FBXO16: variants seen among roughly 807,000 people sequenced by gnomAD.
FBXO16 encodes F-box only protein 16.
A neutral mutation model predicts 41.0 loss-of-function variants in FBXO16; 31 were observed. The observed-to-expected ratio is 0.76, with a 90% confidence interval of 0.57 to 1.02. The LOEUF (loss-of-function observed/expected upper bound fraction) is 1.02, where lower values mean the gene tolerates loss of function less well. Ranked by LOEUF, FBXO16 falls within the 50% of genes least tolerant of loss-of-function variation. The pLI, the probability that FBXO16 is intolerant of heterozygous loss-of-function variation, is 0.00. For synonymous variants in FBXO16, 133 were observed against 117.8 expected (o/e 1.13, Z -0.84); for missense variants, 361 against 346.2 (o/e 1.04, Z -0.34).
intron 4 of FBXO16, among the ~76,000 whole-genome samples, chr8:28,460,786 G>A (rs189801854): frequency 3.1e-4 from 47 of 152,138 alleles, no homozygotes; most frequent in Non-Finnish European, 5.1e-4. Context: ...CCAGGCTAGA[G>A]TACAGTGCTG....
chr8:28,473,841 T>G (rs1173981907), intron 2 of FBXO16, 34 bp from the exon 3 acceptor site: 1 of 1,488,016 alleles, frequency 6.7e-7, no homozygotes, highest in Non-Finnish European at 9.3e-7. Context: ...GGTAATTTCA[T>G]ATACCATAGT....
At chr8:28,429,670 T>G (rs191353037) in intron 7 of FBXO16, among the ~76,000 whole-genome samples, 2 of 143,822 alleles carry the variant, frequency 1.4e-5, no homozygotes, top group Non-Finnish European at 2.9e-5. Flanking sequence ...AACACCGTGG[T>G]GGGTGGGTAT....
intron 2 of FBXO16, among the ~76,000 whole-genome samples, chr8:28,481,447 G>C (rs189508473): frequency 6.6e-6 from 1 of 152,286 alleles, no homozygotes; most frequent in African/African-American, 2.4e-5. Context: ...GGAGGCAAGG[G>C]AGCGTTGGTA....
At chr8:28,451,280 G>A (rs892899413) in intron 6 of FBXO16, among the ~76,000 whole-genome samples, 1 of 152,172 alleles carries the variant, frequency 6.6e-6, no homozygotes, top group Admixed American at 6.5e-5. Context: ...GATGTTTTTA[G>A]GTTTGAAAGA....
At chr8:28,487,585 G>A (rs1005097591) in intron 1 of FBXO16, among the ~76,000 whole-genome samples, 4 of 151,692 alleles carry the variant, frequency 2.6e-5, no homozygotes, top group Non-Finnish European at 4.4e-5. Flanking sequence ...GTAGAGATGC[G>A]GTTTTCCCCA....
At chr8:28,481,194 T>C (rs1803506736) in intron 2 of FBXO16, among the ~76,000 whole-genome samples, 1 of 152,202 alleles carries the variant, frequency 6.6e-6, no homozygotes, top group African/African-American at 2.4e-5. Flanking sequence ...GAGTGGAGTC[T>C]ATTATTGGTT....
intron 3 of FBXO16, among the ~76,000 whole-genome samples, chr8:28,473,425 G>T (rs1421656617): frequency 1.3e-5 from 2 of 152,130 alleles, no homozygotes; most frequent in Non-Finnish European, 2.9e-5. Flanking sequence ...TCTTTGTGAA[G>T]TGATTAGGTC....
chr8:28,449,315 CTTTTTTTTTT>C (rs59021779), intron 6 of FBXO16, among the ~76,000 whole-genome samples: 3 of 94,842 alleles, frequency 3.2e-5, no homozygotes, highest in African/African-American at 4.3e-5. Context: ...ATGTAGACTT[CTTTTTTTTTT>C]TTTTTTTTTT....
At chr8:28,474,516 T>A (rs1040851544) in intron 2 of FBXO16, among the ~76,000 whole-genome samples, 1 of 152,012 alleles carries the variant, frequency 6.6e-6, no homozygotes, top group Non-Finnish European at 1.5e-5. Context: ...AACTCCCCCA[T>A]CTGAAATGTT....
chr8:28,446,345 G>A (rs901429908), intron 7 of FBXO16, among the ~76,000 whole-genome samples: 9 of 151,262 alleles, frequency 5.9e-5, no homozygotes, highest in African/African-American at 2.2e-4. Flanking sequence ...GCTAATTTTT[G>A]TATTGTTAGT....
At chr8:28,446,637 C>T (rs1459059705) in intron 7 of FBXO16, among the ~76,000 whole-genome samples, 3 of 151,466 alleles carry the variant, frequency 2.0e-5, no homozygotes, top group Admixed American at 6.6e-5. Flanking sequence ...TTTGGGAGGC[C>T]GAGGCAGGTG....
chr8:28,468,739 C>T (rs1003198689), intron 3 of FBXO16, among the ~76,000 whole-genome samples: 4 of 150,970 alleles, frequency 2.6e-5, no homozygotes, highest in African/African-American at 7.3e-5. Flanking sequence ...TCCCAGCTAC[C>T]GGGGAGGCTG....
intron 3 of FBXO16, among the ~76,000 whole-genome samples, chr8:28,469,206 G>A (rs771924602): frequency 2.6e-5 from 4 of 151,924 alleles, no homozygotes; most frequent in Non-Finnish European, 5.9e-5. Flanking sequence ...CCAGCTACTC[G>A]GGAGGCTGAA....
intron 7 of FBXO16, 185 bp downstream of exon 7, chr8:28,446,986 G>C: frequency 3.7e-6 from 2 of 536,838 alleles, no homozygotes; most frequent in African/African-American, 1.9e-5. Context: ...CAGAGGCTCA[G>C]AGAGATTAAA....
At chr8:28,481,029 G>A (rs976573837) in intron 2 of FBXO16, among the ~76,000 whole-genome samples, 3 of 147,722 alleles carry the variant, frequency 2.0e-5, no homozygotes, top group Non-Finnish European at 4.5e-5. Flanking sequence ...AAGGCATGGA[G>A]GTGTGGGAGA....
At chr8:28,466,936 A>AT (rs1803253438) in intron 3 of FBXO16, among the ~76,000 whole-genome samples, 1 of 151,580 alleles carries the variant, frequency 6.6e-6, no homozygotes, top group Admixed American at 6.6e-5. Context: ...CATTTTACTT[A>AT]TTTTTTATTT....
intron 2 of FBXO16, among the ~76,000 whole-genome samples, chr8:28,480,239 C>T (rs578229594): frequency 1.3e-5 from 2 of 152,052 alleles, no homozygotes; most frequent in Non-Finnish European, 2.9e-5. Flanking sequence ...CCAATCTCTA[C>T]CTTGGCCCTT....
intron 3 of FBXO16, chr8:28,465,513 G>A: frequency 2.8e-6 from 1 of 360,052 alleles, no homozygotes; most frequent in South Asian, 2.1e-5. Flanking sequence ...TACTCAGGAG[G>A]CTGAGGTGGG....
chr8:28,447,232 T>G lies in FBXO16; in HGVS notation c.782A>C (p.Gln261Pro), dbSNP rs1416972230. Residue 261 changes from glutamine to proline, a missense_variant, in exon 7 of 9, where the codon CAG becomes CCG. By Grantham distance (76) the Gln-to-Pro change is moderately conservative (BLOSUM62 -1). Transcript: ENST00000380254. ...CAATTTATTTTTCTTATCATGTGAC[T>G]GTCGGCTGAAGTCTGGGGTCATTTG... ...RNQMTPDFSRQSHDKKNKLQD... is the reference protein window; with the variant it reads ...RNQMTPDFSRPSHDKKNKLQD... 1.2e-6 allele frequency: 2 copies of G among 1,613,874 alleles called. No homozygotes were observed. Among genetic ancestry groups the G allele is most frequent in the Non-Finnish European group, 1.7e-6 (2 of 1,179,994 alleles).
Sources: gnomAD v4.1 joint callset for allele counts (sites outside exome capture counted in the v4.1 genomes callset) on GRCh38, gnomAD v4.1.1 for gene constraint, MANE v1.5 for transcripts, NCBI Gene and HGNC (gene_info 2026-07-23, HGNC 2026-07-21) for gene names.